Variants in SNX6 observed in about 807,000 individuals in gnomAD.
The protein encoded by SNX6 is sorting nexin-6.
In SNX6, 34 loss-of-function variants were observed where a neutral mutation model predicts 63.0. The ratio of observed to expected loss-of-function variants is 0.54; its 90% CI spans 0.41 to 0.72. SNX6 has a LOEUF of 0.72. Among genes scored for constraint, SNX6 ranks in the 30% least tolerant of loss-of-function variants. The probability of loss-of-function intolerance (pLI) is 0.00; values close to 1 mark genes in which losing one functional copy is unlikely to be tolerated. For synonymous variants in SNX6, 170 were observed against 164.2 expected, an observed-to-expected ratio of 1.04 and a Z score of -0.27; for missense variants, 398 against 471.4, an observed-to-expected ratio of 0.84 and a Z score of 1.44.
chr14:34,622,658 T>C (rs1883671479), intron 2 of SNX6, among the ~76,000 whole-genome samples: 1 of 151,770 alleles, frequency 6.6e-6, no homozygotes, highest in East Asian at 1.9e-4. Flanking sequence ...TAGCTGCATG[T>C]ACCTTTGCAA....
intron 11 of SNX6, among the ~76,000 whole-genome samples, chr14:34,572,980 C>G (rs1007821681): frequency 6.6e-6 from 1 of 151,880 alleles, no homozygotes; most frequent in African/African-American, 2.4e-5. Flanking sequence ...CCGCACCTGG[C>G]CTCGTGTTAA....
In SNX6 at chr14:34,629,896, G is replaced by T. The variant is rs1883975544; in HGVS notation, c.54+11C>A. Reference sequence around the variant, plus strand: ...CCAGGGTCCCGCGAGCGAAAGGAAGGCAGAACTTACTCCGCGGTCCTCTTC... The same window carrying T: ...CCAGGGTCCCGCGAGCGAAAGGAAGTCAGAACTTACTCCGCGGTCCTCTTC... On this transcript the variant is annotated intron_variant, in intron 2 of 13. Coordinates refer to ENST00000362031, the MANE Select transcript of SNX6 (RefSeq NM_152233.4). The T allele has an allele frequency of 1.3e-6, 2 of 1,556,406 alleles. No homozygotes were observed. The highest frequency in any genetic ancestry group is 2.7e-5 in the African/African-American group (2 of 73,358).
chr14:34,615,593 T>A (rs775191002), intron 2 of SNX6, among the ~76,000 whole-genome samples: 1 of 152,176 alleles, frequency 6.6e-6, no homozygotes, highest in Non-Finnish European at 1.5e-5. Context: ...ATTAACTCAA[T>A]CTACCATTTG....
At chr14:34,622,223 T>C (rs1290748135) in intron 2 of SNX6, among the ~76,000 whole-genome samples, 4 of 150,124 alleles carry the variant, frequency 2.7e-5, no homozygotes, top group Non-Finnish European at 5.9e-5. Context: ...CGGCCTCCCA[T>C]AGTGCTGGGA....
chr14:34,594,276 G>C (rs1243298372), intron 7 of SNX6, among the ~76,000 whole-genome samples: 2 of 151,576 alleles, frequency 1.3e-5, no homozygotes, highest in African/African-American at 2.4e-5. Flanking sequence ...AACTATCTGA[G>C]AGCAACAATG....
chr14:34,592,913 G>A, intron 8 of SNX6, 132 bp downstream of exon 8: 1 of 643,200 alleles, frequency 1.6e-6, no homozygotes, highest in Non-Finnish European at 2.7e-6. Flanking sequence ...ACTATAAAAG[G>A]GCCATGGAGC....
intron 10 of SNX6, among the ~76,000 whole-genome samples, chr14:34,577,904 G>A (rs1484340050): frequency 6.6e-6 from 1 of 152,102 alleles, no homozygotes; most frequent in East Asian, 1.9e-4. Context: ...TTTAAGCAAT[G>A]TAGAAAATGT....
chr14:34,575,936 T>TG, intron 10 of SNX6, 94 bp from the exon 11 acceptor site: 1 of 684,722 alleles, frequency 1.5e-6, no homozygotes, highest in South Asian at 1.8e-5. Context: ...TTTTGTTTTT[T>TG]TTTTTGAGAC....
At position 34,603,332 on chromosome 14, in the gene SNX6, T is replaced by C; in HGVS notation, c.516+16A>G. ...AAGAAAAAGAAAACTTGACCACCAA[T>C]CAATGTGATACTCACATCTTGATTA... On this transcript the variant is annotated intron_variant, in intron 6 of 13. Coordinates refer to ENST00000362031, the MANE Select transcript of SNX6 (RefSeq NM_152233.4). 1.3e-6 allele frequency: 2 copies of C among 1,573,232 alleles called. No homozygotes were observed. Among genetic ancestry groups the C allele is most frequent in the Non-Finnish European group, 1.7e-6 (2 of 1,166,162 alleles).
intron 10 of SNX6, among the ~76,000 whole-genome samples, chr14:34,580,705 G>A (rs1170514386): frequency 2.0e-5 from 3 of 150,906 alleles, no homozygotes; most frequent in East Asian, 3.9e-4. Flanking sequence ...TGTCACCCAG[G>A]ATGGAGTGCA....
At chr14:34,593,188 A>G in intron 7 of SNX6, 38 bp from the exon 8 acceptor site, 5 of 1,336,376 alleles carry the variant, frequency 3.7e-6, no homozygotes, top group Non-Finnish European at 5.2e-6. Context: ...TTTTTCACTT[A>G]TTTGCTTTAG....
chr14:34,620,213 C>T (rs1455624646), intron 2 of SNX6, among the ~76,000 whole-genome samples: 1 of 152,238 alleles, frequency 6.6e-6, no homozygotes, highest in Admixed American at 6.5e-5. Context: ...TTTACTACCA[C>T]ATTACACCCC....
intron 11 of SNX6, among the ~76,000 whole-genome samples, chr14:34,574,580 G>A (rs1430845922): frequency 7.7e-6 from 1 of 129,376 alleles, no homozygotes; most frequent in African/African-American, 3.1e-5. Context: ...AACCCAGAAG[G>A]AAGAGGTTAC....
At chr14:34,584,746 GAAA>G in intron 9 of SNX6, among the ~76,000 whole-genome samples, 1 of 150,350 alleles carries the variant, frequency 6.7e-6, no homozygotes, top group Non-Finnish European at 1.5e-5. Flanking sequence ...TGGGGAGGAA[GAAA>G]AAAAAATATA....
intron 4 of SNX6, among the ~76,000 whole-genome samples, chr14:34,606,067 G>A (rs912765025): frequency 3.3e-5 from 5 of 151,714 alleles, no homozygotes; most frequent in South Asian, 2.1e-4. Flanking sequence ...CCAGCGACTC[G>A]GGAGGCTGAG....
intron 8 of SNX6, among the ~76,000 whole-genome samples, chr14:34,587,739 C>T (rs1183562933): frequency 6.6e-6 from 1 of 151,420 alleles, no homozygotes; most frequent in African/African-American, 2.4e-5. Context: ...TCAAGTGATT[C>T]TCCCACCTCA....
intron 9 of SNX6, 134 bp from the exon 10 acceptor site, chr14:34,581,734 G>T: frequency 4.1e-6 from 2 of 487,430 alleles, no homozygotes; most frequent in African/African-American, 1.9e-5. Context: ...CTTATTAACT[G>T]CAGACTTCAT....
At chr14:34,615,174 C>G (rs1450436373) in intron 2 of SNX6, among the ~76,000 whole-genome samples, 1 of 151,692 alleles carries the variant, frequency 6.6e-6, no homozygotes, top group East Asian at 1.9e-4. Context: ...TAACTTTTAT[C>G]TATATAAAAT....
At chr14:34,623,570 A>G (rs1566495358) in intron 2 of SNX6, among the ~76,000 whole-genome samples, 1 of 152,242 alleles carries the variant, frequency 6.6e-6, no homozygotes, top group Non-Finnish European at 1.5e-5. Flanking sequence ...AAGGAGAGGT[A>G]CTGCTACTAT....
Sources: gnomAD v4.1 joint callset for allele counts (sites outside exome capture counted in the v4.1 genomes callset) on GRCh38, gnomAD v4.1.1 for gene constraint, MANE v1.5 for transcripts, NCBI Gene and HGNC (gene_info 2026-07-23, HGNC 2026-07-21) for gene names.